SMURF1: variants seen among roughly 807,000 people sequenced by gnomAD.
The protein encoded by SMURF1 is SMAD specific E3 ubiquitin protein ligase 1.
SMURF1 carries 44 observed loss-of-function variants against 98.0 expected under a neutral mutation model. That is an observed-to-expected ratio of 0.45 (90% CI 0.35 to 0.58). SMURF1 has a LOEUF of 0.58. Ranked by LOEUF, SMURF1 falls within the 20% of genes least tolerant of loss-of-function variation. The pLI is 0.00. For missense variants in SMURF1, 687 were observed against 938.4 expected, an observed-to-expected ratio of 0.73 and a Z score of 3.50; for synonymous variants, 396 against 374.9, an observed-to-expected ratio of 1.06 and a Z score of -0.65.
chr7:99,071,323 G>A (rs1322349357), intron 1 of SMURF1, among the ~76,000 whole-genome samples: 1 of 152,176 alleles, frequency 6.6e-6, no homozygotes, highest in Non-Finnish European at 1.5e-5. Context: ...GCCTCACAAA[G>A]TGCTGGGATT....
Position 99,028,646 on chromosome 7 carries a change from C to T in SMURF1, c.*1938G>A, listed in dbSNP as rs1180022613. Reference sequence around the variant, plus strand: ...AAATGCAACATTCCTGCTTCAAAGTCTTTTAAACCATGAGACCCTGGTTTC... The same window carrying T: ...AAATGCAACATTCCTGCTTCAAAGTTTTTTAAACCATGAGACCCTGGTTTC... On this transcript the variant is annotated 3_prime_UTR_variant, in exon 18 of 18. Coordinates refer to ENST00000361368, the MANE Select transcript of SMURF1 (RefSeq NM_181349.3). The T allele has an allele frequency of 1.3e-5, 2 of 152,248 alleles. No homozygotes were observed. The highest frequency in any genetic ancestry group is 3.8e-4 in the East Asian group (2 of 5,196). The allele number at this position is 152,248 out of a possible 1,614,324, so 9.4% of individuals were successfully genotyped here. A position where few individuals can be genotyped will look rare whatever the true frequency, so the allele number is the denominator to read the frequency against.
chr7:99,121,557 G>A (rs1261071007), intron 1 of SMURF1, among the ~76,000 whole-genome samples: 4 of 151,800 alleles, frequency 2.6e-5, no homozygotes, highest in African/African-American at 4.8e-5. Flanking sequence ...TCTTCTCCCC[G>A]CCCCCAGTCA....
intron 1 of SMURF1, among the ~76,000 whole-genome samples, chr7:99,135,446 T>C (rs1445819379): frequency 6.6e-6 from 1 of 152,236 alleles, no homozygotes; most frequent in African/African-American, 2.4e-5. Context: ...GACCTATCTA[T>C]AGATTTCCCC....
chr7:99,035,901 CCGCCTCCTCCAAACGGGTCTCCA>C (rs1334191539), intron 15 of SMURF1, 185 bp from the exon 16 acceptor site: 5 of 623,938 alleles, frequency 8.0e-6, no homozygotes, highest in South Asian at 3.9e-5. Context: ...ATGCTTCCGT[CCGCCTCCTCCAAACGGGTCTCCA>C]ACCCCAAGGA....
At chr7:99,062,425 A>G (rs1435420921) in intron 1 of SMURF1, among the ~76,000 whole-genome samples, 1 of 152,208 alleles carries the variant, frequency 6.6e-6, no homozygotes, top group African/African-American at 2.4e-5. Flanking sequence ...TTTTATTCTG[A>G]TAAGTAATAC....
chr7:99,040,681 C>T, intron 12 of SMURF1, 125 bp from the exon 13 acceptor site: 1 of 827,452 alleles, frequency 1.2e-6, no homozygotes, highest in Non-Finnish European at 1.7e-6. Context: ...GACTCAGGGA[C>T]TCACAGGCCC....
At chr7:99,042,038 A>T in intron 12 of SMURF1, 80 bp downstream of exon 12, 1 of 1,138,832 alleles carries the variant, frequency 8.8e-7, no homozygotes, top group Non-Finnish European at 1.3e-6. Context: ...CAAATAGACC[A>T]AGGACTGAGA....
intron 1 of SMURF1, among the ~76,000 whole-genome samples, chr7:99,108,978 T>C (rs757458881): frequency 2.0e-5 from 3 of 152,182 alleles, no homozygotes; most frequent in Admixed American, 6.5e-5. Context: ...GCATGATTCC[T>C]GATGTGCAGT....
chr7:99,120,636 A>C (rs1797589977), intron 1 of SMURF1: 1 of 151,928 alleles, frequency 6.6e-6, no homozygotes, highest in African/African-American at 2.4e-5. Flanking sequence ...AAAAAAAAAA[A>C]ACAAACCTGG....
Position 99,061,785 on chromosome 7 carries a change from A to G in SMURF1, c.94+14T>C. The stretch of plus-strand genomic sequence containing the variant: ...ATAACATTATAAGAGGGAAAAAAAT[A>G]AGTGTTTACTTACTGAAGAAGTCTT... On this transcript the variant is annotated intron_variant, in intron 2 of 17. Coordinates refer to ENST00000361368, the MANE Select transcript of SMURF1 (RefSeq NM_181349.3). The G allele has an allele frequency of 1.3e-6, 2 of 1,588,670 alleles. No individual in the cohort carries two copies. Among genetic ancestry groups the G allele is most frequent in the Non-Finnish European group, 1.7e-6 (2 of 1,167,026 alleles).
chr7:99,066,667 A>T (rs1056725196), intron 1 of SMURF1, among the ~76,000 whole-genome samples: 1 of 151,932 alleles, frequency 6.6e-6, no homozygotes, highest in Non-Finnish European at 1.5e-5. Context: ...AGTCCCAGCT[A>T]CTTGGAAGGC....
rs554761280 is a variant in SMURF1 at position 99,131,816 on chromosome 7, G to A, written c.55+11910C>T. ...AGGATGAAGAAAGAAAGGGAGGGAA[G>A]ACTTAGCAGGAGATAAGGCTGTGGG... On this transcript the variant is annotated intron_variant, in intron 1 of 17. Transcript: ENST00000361368. 2.2e-4 allele frequency among the ~76,000 whole-genome samples: 33 copies of A among 152,274 alleles called. 1 individual carries two copies. The East Asian group carries it at 6.2e-3, about 29-fold the overall frequency.
chr7:99,069,751 C>G (rs1796277575), intron 1 of SMURF1, among the ~76,000 whole-genome samples: 1 of 152,154 alleles, frequency 6.6e-6, no homozygotes, highest in Admixed American at 6.5e-5. Flanking sequence ...GATTCAAATG[C>G]CAAAAATGTT....
At chr7:99,099,029 A>G (rs1255932314) in intron 1 of SMURF1, among the ~76,000 whole-genome samples, 2 of 152,294 alleles carry the variant, frequency 1.3e-5, no homozygotes, top group South Asian at 2.1e-4. Context: ...AGATCATTCT[A>G]TAGAAAGAAC....
At chr7:99,086,787 G>A (rs1796690183) in intron 1 of SMURF1, among the ~76,000 whole-genome samples, 1 of 152,116 alleles carries the variant, frequency 6.6e-6, no homozygotes, top group South Asian at 2.1e-4. Flanking sequence ...AGAACATAAT[G>A]TGCTAAATTA....
intron 1 of SMURF1, among the ~76,000 whole-genome samples, chr7:99,072,169 T>C (rs1249992354): frequency 6.6e-6 from 1 of 152,132 alleles, no homozygotes; most frequent in Non-Finnish European, 1.5e-5. Context: ...ATTTTCTCTC[T>C]CTGTGTTCTA....
intron 1 of SMURF1, among the ~76,000 whole-genome samples, chr7:99,142,167 C>T (rs1301131276): frequency 6.6e-6 from 1 of 152,196 alleles, no homozygotes; most frequent in Admixed American, 6.5e-5. Context: ...CGCGGCAGAG[C>T]GTTGCGCTCA....
chr7:99,119,708 G>C (rs1450562396), intron 1 of SMURF1, among the ~76,000 whole-genome samples: 2 of 152,172 alleles, frequency 1.3e-5, no homozygotes, highest in Non-Finnish European at 2.9e-5. Flanking sequence ...TCTCACTTCA[G>C]ATCTCCCCAG....
At chr7:99,098,835 G>A (rs911314896) in intron 1 of SMURF1, among the ~76,000 whole-genome samples, 4 of 152,120 alleles carry the variant, frequency 2.6e-5, no homozygotes, top group African/African-American at 9.7e-5. Flanking sequence ...GATCCTTTAA[G>A]GAGGTTACTC....
Sources: allele counts gnomAD v4.1 joint callset (sites outside exome capture counted in the v4.1 genomes callset), GRCh38; gene constraint gnomAD v4.1.1; transcripts MANE v1.5; gene names NCBI Gene and HGNC (gene_info 2026-07-23, HGNC 2026-07-21).